CRLF2: variants seen among roughly 807,000 people sequenced by gnomAD.
CRLF2 encodes the protein cytokine receptor-like factor 2.
A neutral mutation model predicts 38.7 loss-of-function variants in CRLF2; 41 were observed. The ratio of observed to expected loss-of-function variants is 1.06; its 90% CI spans 0.83 to 1.37. CRLF2 has a LOEUF of 1.37. Among genes scored for constraint, CRLF2 ranks in the 40% most tolerant of loss-of-function variants. CRLF2 has a pLI of 0.00. For missense variants in CRLF2, 377 were observed against 322.2 expected, an observed-to-expected ratio of 1.17 and a Z score of -1.30; for synonymous variants, 140 against 128.8, an observed-to-expected ratio of 1.09 and a Z score of -0.59.
intron 3 of CRLF2, among the ~76,000 whole-genome samples, chrX:1,202,881 G>A (rs184815858): frequency 9.8e-4 from 149 of 151,988 alleles, no homozygotes; most frequent in African/African-American, 3.4e-3. Flanking sequence ...GGCCGAGGCG[G>A]GTGGATCACC....
intron 1 of CRLF2, among the ~76,000 whole-genome samples, chrX:1,209,203 A>G (rs62605924): frequency 0.34 from 51,662 of 150,392 alleles, 9,071 homozygotes; most frequent in Admixed American, 0.42. Flanking sequence ...TCCTGACCTC[A>G]TGATCCACCC....
intron 1 of CRLF2, among the ~76,000 whole-genome samples, chrX:1,209,556 C>T (rs866458178): frequency 2.2e-4 from 34 of 151,704 alleles, no homozygotes; most frequent in African/African-American, 6.8e-4. Flanking sequence ...TGGTCTCGAT[C>T]TCCTGACCTC....
chrX:1,204,624 A>G (rs767190414), intron 3 of CRLF2, among the ~76,000 whole-genome samples: 66 of 140,780 alleles, frequency 4.7e-4, no homozygotes, highest in Middle Eastern at 4.5e-3. Flanking sequence ...GGGTTCAAGC[A>G]ATTTCCCTGC....
intron 7 of CRLF2, 100 bp downstream of exon 7, chrX:1,193,118 T>A (rs1200456547): frequency 2.5e-6 from 1 of 396,108 alleles, no homozygotes; most frequent in African/African-American, 2.1e-5. Flanking sequence ...CGGCTGTTAA[T>A]GTCATTCTCT....
At chrX:1,199,477 T>G (rs747343077) in intron 4 of CRLF2, among the ~76,000 whole-genome samples, 64 of 152,078 alleles carry the variant, frequency 4.2e-4, no homozygotes, top group African/African-American at 1.5e-3. Context: ...ATTTTTGTAT[T>G]TCTAGTAGAG....
Position 1,208,884 on chromosome X carries a change from A to G in CRLF2, c.104T>C (p.Ile35Thr). The G allele has an allele frequency of 6.2e-7, 1 of 1,608,564 alleles. No individual in the cohort carries two copies. Among genetic ancestry groups the G allele is most frequent in the Non-Finnish European group, 8.5e-7 (1 of 1,174,964 alleles). Residue 35 changes from isoleucine to threonine, a missense_variant, in exon 2 of 8, where the codon ATC becomes ACC. Physicochemically the swap from Ile to Thr is moderately conservative, Grantham distance 89 (BLOSUM62 -1). Transcript: ENST00000400841. Reference sequence around the variant, plus strand: ...CTGCACGGTTTCTAAATTGAAGTAGATGATCTGAATCTGTACTCCTTCTGC... The same window carrying G: ...CTGCACGGTTTCTAAATTGAAGTAGGTGATCTGAATCTGTACTCCTTCTGC... ...GAAEGVQIQI[I>T]YFNLETVQVT...
At chrX:1,193,515 C>A (rs1255589469) in intron 6 of CRLF2, among the ~76,000 whole-genome samples, 4 of 151,996 alleles carry the variant, frequency 2.6e-5, no homozygotes, top group Non-Finnish European at 5.9e-5. Flanking sequence ...TGGTGGCTCA[C>A]GCCTGTAATC....
chrX:1,199,276 C>T (rs1464465403), intron 4 of CRLF2: 1 of 151,866 alleles, frequency 6.6e-6, no homozygotes, highest in Admixed American at 6.6e-5. Flanking sequence ...TGTGCCTGGC[C>T]TGTATTTACT....
chrX:1,194,582 T>C (rs1909163689), intron 6 of CRLF2, among the ~76,000 whole-genome samples: 1 of 152,134 alleles, frequency 6.6e-6, no homozygotes, highest in Admixed American at 6.6e-5. Flanking sequence ...TGGGCTGAAA[T>C]GGGACCCTCA....
chrX:1,193,156 A>G (rs2086422913), intron 7 of CRLF2, 62 bp downstream of exon 7: 1 of 398,350 alleles, frequency 2.5e-6, no homozygotes, highest in Non-Finnish European at 4.4e-6. Flanking sequence ...AGAGATAGGA[A>G]TGCAGGCAGA....
intron 1 of CRLF2, among the ~76,000 whole-genome samples, 198 bp downstream of exon 1, chrX:1,212,358 T>C (rs1400615971): frequency 6.8e-6 from 1 of 147,388 alleles, no homozygotes; most frequent in Non-Finnish European, 1.5e-5. Context: ...TGTATTTACT[T>C]ATAAATATGT....
intron 1 of CRLF2, among the ~76,000 whole-genome samples, chrX:1,209,457 G>A (rs1196524672): frequency 2.0e-5 from 3 of 151,578 alleles, no homozygotes; most frequent in African/African-American, 4.8e-5. Context: ...TCAGCCTCCC[G>A]AGTAGCTGGG....
intron 1 of CRLF2, among the ~76,000 whole-genome samples, chrX:1,211,813 A>G (rs1291089002): frequency 3.2e-4 from 26 of 80,350 alleles, no homozygotes; most frequent in Admixed American, 7.8e-4. Context: ...GGGTGGATGG[A>G]TGGATGGATG....
In CRLF2 at chrX:1,190,721, G is replaced by A. The variant is rs1260403244; in HGVS notation, c.*176C>T. 7 of 397,682 alleles carry A rather than the reference G, an allele frequency of 1.8e-5. No homozygotes were observed. The highest frequency in any genetic ancestry group is 2.8e-4 in the South Asian group (2 of 7,034). The allele number at this position is 397,682 out of a possible 1,614,324, so 24.6% of individuals were successfully genotyped here. ...AACACAGAGACTCATGTGGGGGAAA[G>A]TTAGCAGGGCAGTGGCCGCATTAGG... On this transcript the variant is annotated 3_prime_UTR_variant, in exon 8 of 8. Transcript: ENST00000400841.
intron 3 of CRLF2, among the ~76,000 whole-genome samples, chrX:1,204,596 C>T (rs1434436149): frequency 6.6e-6 from 1 of 150,616 alleles, no homozygotes; most frequent in East Asian, 1.9e-4. Flanking sequence ...TCTTGGCTCA[C>T]TGCAGCCTCC....
chrX:1,198,127 G>T (rs1362450285), intron 5 of CRLF2, among the ~76,000 whole-genome samples: 1 of 143,066 alleles, frequency 7.0e-6, no homozygotes, highest in Non-Finnish European at 1.6e-5. Context: ...CACCCTCCTG[G>T]GAAGGCAGGA....
rs1184861122 is a variant in CRLF2, at chrX:1,212,541, T to C, written c.79+15A>G. The C allele has an allele frequency of 6.3e-7, 1 of 1,591,044 alleles. No individual in the cohort carries two copies. Among genetic ancestry groups the C allele is most frequent in the Admixed American group, 1.7e-5 (1 of 59,222 alleles). On this transcript the variant is annotated intron_variant, in intron 1 of 7. Coordinates refer to ENST00000400841, the MANE Select transcript of CRLF2 (RefSeq NM_022148.4). ...AAACCAAAATACAACAAGAAGAGGGTGTTTAAATAATTACCTGCTCCTCCT... is the reference window on the plus strand; with the variant it reads ...AAACCAAAATACAACAAGAAGAGGGCGTTTAAATAATTACCTGCTCCTCCT...
Position 1,202,525 on chromosome X carries a change from A to G in CRLF2, c.360T>C (p.Ser120=). Residue 120 remains serine (S), a synonymous_variant, in exon 4 of 8, where the codon AGT becomes AGC. Transcript: ENST00000400841. The part of the protein sequence containing the change: ...SRWMVYYLKP[S]SPKHVRFSWH... ...ACGAAAATCTCACGTGCTTCGGGGA[A>G]CTGGGTTTCACTGAGAAGAAGAAAT... 6.2e-7 allele frequency: 1 copy of G among 1,613,696 alleles called. No individual in the cohort carries two copies. Among genetic ancestry groups the G allele is most frequent in the South Asian group, 1.1e-5 (1 of 91,072 alleles).
intron 7 of CRLF2, among the ~76,000 whole-genome samples, chrX:1,192,218 A>C (rs1455392004): frequency 6.5e-5 from 9 of 138,490 alleles, no homozygotes; most frequent in African/African-American, 2.0e-4. Context: ...AAAAAAAAAA[A>C]AACAAAAAAA....
Sources: allele counts gnomAD v4.1 joint callset (sites outside exome capture counted in the v4.1 genomes callset), GRCh38; gene constraint gnomAD v4.1.1; transcripts MANE v1.5; gene names NCBI Gene and HGNC (gene_info 2026-07-23, HGNC 2026-07-21).